MYO18B: variants seen among roughly 807,000 people sequenced by gnomAD.
The protein encoded by MYO18B is myosin XVIIIB, also known as unconventional myosin-XVIIIb.
Under a neutral mutation model 273.0 loss-of-function variants are expected in MYO18B, and 204 were observed. That is an observed-to-expected ratio of 0.75 (90% CI 0.67 to 0.84). MYO18B has a LOEUF of 0.84. MYO18B is among the 40% of genes least tolerant of loss of function. MYO18B has a pLI of 0.00. For missense variants in MYO18B, 3,212 were observed against 3,287.6 expected (o/e 0.98, Z 0.56); for synonymous variants, 1,330 against 1,305.7 (o/e 1.02, Z -0.40).
Position 25,878,053 on chromosome 22 carries a change from C to A in MYO18B, c.4314+5C>A, listed in dbSNP as rs746411977. 6.4e-7 allele frequency: 1 copy of A among 1,571,922 alleles called. No homozygotes were observed. On this transcript the variant is annotated splice_donor_5th_base_variant and intron_variant, in intron 25 of 43. Transcript: ENST00000335473. ...ACAGATCTGCTAGAAAGCAAGGTAT[C>A]CCCATCCCTCCTCTTGGGTCCTTGT...
chr22:25,893,760 TATCCATCC>T (rs2091725273), intron 27 of MYO18B, among the ~76,000 whole-genome samples: 1 of 151,208 alleles, frequency 6.6e-6, no homozygotes, highest in East Asian at 1.9e-4. Flanking sequence ...TCCATCCATC[TATCCATCC>T]ATCCACCCAT....
At chr22:25,972,467 A>C (rs377069921) in intron 39 of MYO18B, among the ~76,000 whole-genome samples, 1 of 152,202 alleles carries the variant, frequency 6.6e-6, no homozygotes, top group East Asian at 1.9e-4. Context: ...TACTTTTCAA[A>C]ATATATTCGC....
intron 11 of MYO18B, among the ~76,000 whole-genome samples, chr22:25,786,745 C>T (rs970989061): frequency 2.6e-5 from 4 of 152,048 alleles, no homozygotes; most frequent in East Asian, 1.9e-4. Context: ...AGCAAGCCAC[C>T]GACTGGGAGA....
intron 10 of MYO18B, among the ~76,000 whole-genome samples, chr22:25,782,741 G>A (rs1185193758): frequency 6.6e-6 from 1 of 152,162 alleles, no homozygotes; most frequent in African/African-American, 2.4e-5. Context: ...CCTGTCTGGA[G>A]TGTCCTGGCT....
chr22:25,966,253 T>C (rs2092976804), intron 39 of MYO18B, among the ~76,000 whole-genome samples: 1 of 152,050 alleles, frequency 6.6e-6, no homozygotes, highest in African/African-American at 2.4e-5. Context: ...TTTGTTTTTG[T>C]TTTTGTTTTT....
intron 39 of MYO18B, among the ~76,000 whole-genome samples, chr22:25,987,012 C>T (rs898204348): frequency 5.3e-5 from 8 of 152,054 alleles, no homozygotes; most frequent in Admixed American, 1.3e-4. Context: ...GATGAATTTT[C>T]GTCAAGTTTC....
At chr22:25,925,137 T>G (rs2092401258) in intron 34 of MYO18B, among the ~76,000 whole-genome samples, 1 of 152,172 alleles carries the variant, frequency 6.6e-6, no homozygotes, top group African/African-American at 2.4e-5. Context: ...TGTACCAGAC[T>G]TTTCCTTAGT....
chr22:26,052,797 T>G, the MYO18B span, among the ~76,000 whole-genome samples: 1 of 148,626 alleles, frequency 6.7e-6, no homozygotes, highest in East Asian at 2.0e-4. Context: ...ATTGGGTGGT[T>G]TTTTTTTTTG....
At chr22:25,825,140 C>T (rs1318562749) in intron 13 of MYO18B, among the ~76,000 whole-genome samples, 2 of 152,210 alleles carry the variant, frequency 1.3e-5, no homozygotes, top group Non-Finnish European at 2.9e-5. Flanking sequence ...GTGCATCACA[C>T]ACAGGCACAG....
chr22:26,002,902 C>T (rs532325271), intron 40 of MYO18B, among the ~76,000 whole-genome samples: 1 of 152,160 alleles, frequency 6.6e-6, no homozygotes, highest in African/African-American at 2.4e-5. Context: ...AAAGAACATA[C>T]AGCTAATACC....
intron 42 of MYO18B, among the ~76,000 whole-genome samples, chr22:26,025,168 C>A (rs1395473477): frequency 6.6e-6 from 1 of 152,218 alleles, no homozygotes; most frequent in African/African-American, 2.4e-5. Context: ...CAGCCCCCAC[C>A]TATTTCCCTG....
the MYO18B span, among the ~76,000 whole-genome samples, chr22:26,044,132 T>C: frequency 6.6e-6 from 1 of 152,258 alleles, no homozygotes; most frequent in Admixed American, 6.5e-5. Context: ...ATTTGCATAA[T>C]ATTCTTGCGT....
Position 25,826,280 on chromosome 22 carries a change from T to C in MYO18B, c.2696-129T>C, listed in dbSNP as rs8143030. On this transcript the variant is annotated intron_variant, in intron 13 of 43. Transcript: ENST00000335473. ...TCCTAAGAACCTGGGGAAATAATTT[T>C]AGCAGTGGAGGGATGTGGCAAGAAA... 174,259 of 621,820 alleles carry C rather than the reference T, an allele frequency of 0.28. 25,602 individuals are homozygous for C. Among genetic ancestry groups the C allele is most frequent in the African/African-American group, 0.37 (19,999 of 53,936 alleles). The allele number at this position is 621,820 out of a possible 1,614,324, so 38.5% of individuals were successfully genotyped here. A position where few individuals can be genotyped will look rare whatever the true frequency, so the allele number is the denominator to read the frequency against.
At chr22:25,786,559 A>T (rs527702777) in intron 11 of MYO18B, among the ~76,000 whole-genome samples, 124 of 152,312 alleles carry the variant, frequency 8.1e-4, no homozygotes, top group African/African-American at 2.8e-3. Flanking sequence ...CACAGATCTA[A>T]TTGCAAAACT....
Position 25,908,330 on chromosome 22 carries a change from G to A in MYO18B, c.5157G>A (p.Gln1719=). The A allele has an allele frequency of 1.3e-6, 2 of 1,583,656 alleles. No homozygotes were observed. The highest frequency in any genetic ancestry group is 1.7e-6 in the Non-Finnish European group (2 of 1,165,156). Residue 1719 remains glutamine (Q), a synonymous_variant, in exon 32 of 44, where the codon CAG becomes CAA. Coordinates refer to ENST00000335473, the MANE Select transcript of MYO18B (RefSeq NM_032608.7). ...NTIKQLEQLR[Q]RFELEIERMK... ...CCTTGCTGCCCCCGCAGCTCCGCCA[G>A]CGGTTTGAGCTGGAGATCGAGCGGA... is the stretch of plus-strand genomic sequence containing the variant.
intron 42 of MYO18B, among the ~76,000 whole-genome samples, chr22:26,020,377 A>G (rs1220521911): frequency 6.6e-6 from 1 of 152,038 alleles, no homozygotes; most frequent in Non-Finnish European, 1.5e-5. Context: ...CTCAGACACT[A>G]GCTCGTTCTG....
At chr22:26,007,385 C>A (rs972966997) in intron 42 of MYO18B, among the ~76,000 whole-genome samples, 1 of 152,142 alleles carries the variant, frequency 6.6e-6, no homozygotes, top group African/African-American at 2.4e-5. Flanking sequence ...AGAATTTGAA[C>A]CTAGGTTGGA....
rs67095758 is a variant in MYO18B, at chr22:25,989,767, C to CAA, written c.6157-2576_6157-2575dup. On this transcript the variant is annotated intron_variant, in intron 39 of 43. Transcript: ENST00000335473. ...AAGCCGAGATAGTGAGACTCCGTCT[C>CAA]AAAAAAAAAAAAAAAAAAAAAGAGT... Among the ~76,000 whole-genome samples the CAA allele has an allele frequency of 5.2e-3, 420 of 80,296 alleles. 15 individuals carry two copies. The highest frequency in any genetic ancestry group is 0.018 in the African/African-American group (349 of 19,552). The allele number at this position is 80,296 out of a possible 152,430, so 52.7% of individuals were successfully genotyped here.
At chr22:26,024,212 TAAC>T (rs1350191526) in intron 42 of MYO18B, among the ~76,000 whole-genome samples, 1 of 152,248 alleles carries the variant, frequency 6.6e-6, no homozygotes, top group African/African-American at 2.4e-5. Flanking sequence ...TAATGATTAA[TAAC>T]CATTTATTAT....
Sources: gnomAD v4.1 joint callset for allele counts (sites outside exome capture counted in the v4.1 genomes callset) on GRCh38, gnomAD v4.1.1 for gene constraint, MANE v1.5 for transcripts, NCBI Gene and HGNC (gene_info 2026-07-23, HGNC 2026-07-21) for gene names.